NF1: variants seen among roughly 807,000 people sequenced by gnomAD.
NF1 encodes the protein neurofibromin.
In NF1, 122 loss-of-function variants were observed where a neutral mutation model predicts 325.7. The observed-to-expected ratio is 0.37, with a 90% CI of 0.32 to 0.44. The LOEUF (loss-of-function observed/expected upper bound fraction) is 0.44. Among genes scored for constraint, NF1 ranks in the 20% least tolerant of loss-of-function variants. NF1 has a pLI of 1.00. For synonymous variants in NF1, 1,091 were observed against 1,186.0 expected, an observed-to-expected ratio of 0.92 and a Z score of 1.65; for missense variants, 2,140 against 3,415.4, an observed-to-expected ratio of 0.63 and a Z score of 9.31.
intron 12 of NF1, among the ~76,000 whole-genome samples, chr17:31,211,902 T>C (rs1277534736): frequency 4.6e-5 from 7 of 152,174 alleles, no homozygotes; most frequent in Non-Finnish European, 1.0e-4. Flanking sequence ...TTTAATACTT[T>C]TGCATTTTTC....
intron 57 of NF1, among the ~76,000 whole-genome samples, chr17:31,363,772 G>A (rs1052025565): frequency 7.4e-6 from 1 of 134,514 alleles, no homozygotes; most frequent in African/African-American, 2.8e-5. Flanking sequence ...ACAGTGTCTC[G>A]CTCAGTAGCC....
At chr17:31,106,200 T>C (rs2143254645) in intron 1 of NF1, among the ~76,000 whole-genome samples, 1 of 152,326 alleles carries the variant, frequency 6.6e-6, no homozygotes, top group Non-Finnish European at 1.5e-5. Context: ...GGGAAGTCTC[T>C]TAACCTCTCT....
At chr17:31,187,729 T>A (rs886156545) in intron 8 of NF1, among the ~76,000 whole-genome samples, 1 of 152,148 alleles carries the variant, frequency 6.6e-6, no homozygotes, top group Non-Finnish European at 1.5e-5. Flanking sequence ...CCCCTAGTGA[T>A]CCACTAGAAA....
intron 36 of NF1, among the ~76,000 whole-genome samples, chr17:31,321,341 T>C (rs1234913020): frequency 6.6e-6 from 1 of 152,192 alleles, no homozygotes; most frequent in African/African-American, 2.4e-5. Flanking sequence ...TTAAAATTTA[T>C]GTAACAGGAC....
At chr17:31,321,761 G>T (rs1213417105) in intron 36 of NF1, 14 of 151,366 alleles carry the variant, frequency 9.2e-5, no homozygotes, top group Non-Finnish European at 1.3e-4. Context: ...GTTGGCCACT[G>T]GCATGACAGG....
intron 4 of NF1, among the ~76,000 whole-genome samples, chr17:31,166,213 A>T (rs1331589454): frequency 6.6e-6 from 1 of 152,116 alleles, no homozygotes; most frequent in Non-Finnish European, 1.5e-5. Context: ...GGTTCTTTAC[A>T]GTTTACTATT....
chr17:31,154,644 A>G (rs1383670176), intron 1 of NF1, among the ~76,000 whole-genome samples: 1 of 151,860 alleles, frequency 6.6e-6, no homozygotes, highest in Non-Finnish European at 1.5e-5. Flanking sequence ...TTTATAATTA[A>G]CATTACGAAG....
intron 36 of NF1, chr17:31,319,040 A>G (rs2069107224): frequency 6.4e-7 from 1 of 1,560,194 alleles, no homozygotes; most frequent in Non-Finnish European, 8.6e-7. Flanking sequence ...GGATAGCAAT[A>G]TAATTTGTTA....
chr17:31,294,785 C>A, intron 36 of NF1: 2 of 582,184 alleles, frequency 3.4e-6, no homozygotes, highest in Non-Finnish European at 6.0e-6. Flanking sequence ...AAAAGAAACT[C>A]ATTAGTTTAC....
chr17:31,367,471 C>G (rs1163726496), intron 57 of NF1, among the ~76,000 whole-genome samples: 1 of 152,094 alleles, frequency 6.6e-6, no homozygotes. Context: ...TGTGGCCTGT[C>G]TTGTTTAAGG....
At chr17:31,181,205 A>C (rs1312229532) in intron 5 of NF1, among the ~76,000 whole-genome samples, 1 of 152,206 alleles carries the variant, frequency 6.6e-6, no homozygotes, top group African/African-American at 2.4e-5. Context: ...AAAAGCTCAC[A>C]ATCATTGATG....
chr17:31,190,263 CA>C (rs972578054), intron 8 of NF1, among the ~76,000 whole-genome samples: 3 of 151,260 alleles, frequency 2.0e-5, no homozygotes, highest in Admixed American at 1.3e-4. Flanking sequence ...TCTCAAAAAA[CA>C]AAAAAACAAA....
At chr17:31,241,738 T>A (rs980276869) in intron 29 of NF1, among the ~76,000 whole-genome samples, 4 of 152,248 alleles carry the variant, frequency 2.6e-5, no homozygotes, top group African/African-American at 9.6e-5. Context: ...AAAGCTGTAG[T>A]TATTTGTAAA....
intron 35 of NF1, 22 bp downstream of exon 35, chr17:31,261,879 G>A: frequency 1.2e-6 from 2 of 1,612,306 alleles, no homozygotes; most frequent in South Asian, 2.2e-5. Context: ...CCTTGAAATA[G>A]TTGATTGCTT....
In NF1 at chr17:31,189,980, C is replaced by T. The variant is rs112183759; in HGVS notation, c.888+7315C>T. On this transcript the variant is annotated intron_variant, in intron 8 of 57. Transcript: ENST00000358273. Reference sequence around the variant, plus strand: ...TTCTCCATGCTGGTCAGGCTGGTCTCGAACTCCTGACCTCAGGTGATCTGC... The same window carrying T: ...TTCTCCATGCTGGTCAGGCTGGTCTTGAACTCCTGACCTCAGGTGATCTGC... 7.6e-3 allele frequency among the ~76,000 whole-genome samples: 1,141 copies of T among 150,932 alleles called. 19 individuals are homozygous for T. The highest frequency in any genetic ancestry group is 0.027 in the African/African-American group (1,094 of 41,150).
At chr17:31,210,673 T>C (rs2066714006) in intron 12 of NF1, among the ~76,000 whole-genome samples, 1 of 152,164 alleles carries the variant, frequency 6.6e-6, no homozygotes, top group South Asian at 2.1e-4. Context: ...ATTTTTAAAA[T>C]TAAAATGCCA....
intron 3 of NF1, among the ~76,000 whole-genome samples, chr17:31,160,447 C>T (rs2065742833): frequency 6.6e-6 from 1 of 152,062 alleles, no homozygotes; most frequent in Admixed American, 6.5e-5. Context: ...ATTGTGGAGA[C>T]AGTGTTTATA....
At chr17:31,232,655 T>A (rs1333898831) in intron 25 of NF1, 45 bp from the exon 26 acceptor site, 4 of 1,569,758 alleles carry the variant, frequency 2.5e-6, no homozygotes, top group Non-Finnish European at 3.5e-6. Context: ...GCTTTCTAGT[T>A]GATACGGCCT....
chr17:31,105,363 A>C (rs1912765319), intron 1 of NF1, among the ~76,000 whole-genome samples: 1 of 152,242 alleles, frequency 6.6e-6, no homozygotes, highest in Non-Finnish European at 1.5e-5. Context: ...CAGTAGCAGT[A>C]ACTTGAGGTG....
Sources: allele counts gnomAD v4.1 joint callset (sites outside exome capture counted in the v4.1 genomes callset), GRCh38; gene constraint gnomAD v4.1.1; transcripts MANE v1.5; gene names NCBI Gene and HGNC (gene_info 2026-07-23, HGNC 2026-07-21).